RAB33B: variants seen among roughly 807,000 people sequenced by gnomAD.
RAB33B encodes ras-related protein Rab-33B.
A neutral mutation model predicts 15.0 loss-of-function variants in RAB33B; 6 were observed. That is an observed-to-expected ratio of 0.40 (90% CI 0.22 to 0.79). The LOEUF is 0.79. Ranked by LOEUF, RAB33B falls within the 30% of genes least tolerant of loss-of-function variation. The pLI, the probability that RAB33B is intolerant of heterozygous loss-of-function variation, is 0.37. For missense variants in RAB33B, 257 were observed against 296.4 expected (o/e 0.87, Z 0.98); for synonymous variants, 117 against 108.3 (o/e 1.08, Z -0.50).
chr4:139,464,916 G>T (rs1051604447), intron 1 of RAB33B, among the ~76,000 whole-genome samples: 1 of 152,124 alleles, frequency 6.6e-6, no homozygotes, highest in African/African-American at 2.4e-5. Flanking sequence ...TAATGAGATC[G>T]CTGGGTCAAA....
chr4:139,443,490 G>A, the RAB33B span, among the ~76,000 whole-genome samples: 6 of 152,086 alleles, frequency 3.9e-5, no homozygotes, highest in South Asian at 2.1e-4. Flanking sequence ...CTAACTCCTC[G>A]CTCCAGAAGC....
intron 1 of RAB33B, among the ~76,000 whole-genome samples, chr4:139,471,907 G>A (rs777840036): frequency 7.2e-5 from 11 of 152,276 alleles, no homozygotes; most frequent in Middle Eastern, 6.8e-3. Context: ...GTGAGATAGG[G>A]ATCCAGCCTC....
chr4:139,467,961 GTTT>G (rs35010426), intron 1 of RAB33B, among the ~76,000 whole-genome samples: 2 of 134,108 alleles, frequency 1.5e-5, no homozygotes, highest in Non-Finnish European at 1.6e-5. Flanking sequence ...CATTCTTTCT[GTTT>G]TTTTTTTTTT....
the RAB33B span, among the ~76,000 whole-genome samples, chr4:139,446,936 T>G: frequency 2.0e-5 from 3 of 152,198 alleles, no homozygotes; most frequent in Non-Finnish European, 4.4e-5. Flanking sequence ...TTGATGATAT[T>G]GGACCTCTTT....
chr4:139,447,242 T>A, the RAB33B span, among the ~76,000 whole-genome samples: 4 of 152,258 alleles, frequency 2.6e-5, no homozygotes, highest in African/African-American at 9.6e-5. Context: ...AAGTCACAAT[T>A]ACAACATCAA....
chr4:139,454,170 G>A lies in RAB33B; in HGVS notation c.-26G>A, dbSNP rs1305234986. On this transcript the variant is annotated 5_prime_UTR_variant, in exon 1 of 2. Transcript: ENST00000305626. Reference sequence around the variant, plus strand: ...AGCCTTTCTGTGTCTCCTTTCCTCCGCCTCAGTTTGGGGCGGGTCGGGGGA... The same window carrying A: ...AGCCTTTCTGTGTCTCCTTTCCTCCACCTCAGTTTGGGGCGGGTCGGGGGA... 1.1e-5 allele frequency: 17 copies of A among 1,592,078 alleles called. No individual in the cohort carries two copies. The highest frequency in any genetic ancestry group is 1.4e-5 in the Non-Finnish European group (16 of 1,167,978).
At chr4:139,443,955 G>A in the RAB33B span, among the ~76,000 whole-genome samples, 1 of 152,162 alleles carries the variant, frequency 6.6e-6, no homozygotes, top group African/African-American at 2.4e-5. Flanking sequence ...TTTGCTTCTG[G>A]ATCTATAACA....
At chr4:139,470,233 G>A (rs763832514) in intron 1 of RAB33B, among the ~76,000 whole-genome samples, 1 of 152,190 alleles carries the variant, frequency 6.6e-6, no homozygotes, top group Non-Finnish European at 1.5e-5. Flanking sequence ...GTGTTCTGTT[G>A]TACTGTGGCT....
the RAB33B span, among the ~76,000 whole-genome samples, chr4:139,441,854 T>C: frequency 6.6e-6 from 1 of 152,230 alleles, no homozygotes; most frequent in African/African-American, 2.4e-5. Context: ...GACAGATTTC[T>C]GGTGCTTCCT....
At chr4:139,438,592 C>T in the RAB33B span, among the ~76,000 whole-genome samples, 2 of 147,666 alleles carry the variant, frequency 1.4e-5, no homozygotes, top group Admixed American at 6.6e-5. Context: ...CCGGAATCAT[C>T]TGCCTTTTTT....
chr4:139,462,356 A>G (rs1010869033), intron 1 of RAB33B, among the ~76,000 whole-genome samples: 3 of 152,146 alleles, frequency 2.0e-5, no homozygotes, highest in African/African-American at 4.8e-5. Context: ...CCCGGCCATG[A>G]CAGCTCTTTT....
the RAB33B span, among the ~76,000 whole-genome samples, chr4:139,441,118 C>T: frequency 3.3e-5 from 5 of 152,192 alleles, no homozygotes; most frequent in Non-Finnish European, 7.3e-5. Flanking sequence ...ATCTCATCTC[C>T]CAGTAGGCTA....
intron 1 of RAB33B, among the ~76,000 whole-genome samples, chr4:139,471,926 C>T (rs1201549684): frequency 1.3e-5 from 2 of 152,096 alleles, no homozygotes; most frequent in East Asian, 1.9e-4. Flanking sequence ...TCATTTTTTG[C>T]ATGTTGTCCA....
chr4:139,464,976 A>G (rs562894358), intron 1 of RAB33B, among the ~76,000 whole-genome samples: 32 of 152,298 alleles, frequency 2.1e-4, no homozygotes, highest in South Asian at 6.2e-4. Context: ...TGTCTTCCAC[A>G]ATGGTTGAAG....
the RAB33B span, among the ~76,000 whole-genome samples, chr4:139,445,329 T>C: frequency 3.9e-5 from 6 of 152,224 alleles, no homozygotes; most frequent in Non-Finnish European, 8.8e-5. Context: ...GAGAACTTGA[T>C]CTCTTTTTGC....
At chr4:139,460,333 A>G (rs1750149416) in intron 1 of RAB33B, among the ~76,000 whole-genome samples, 1 of 152,182 alleles carries the variant, frequency 6.6e-6, no homozygotes, top group African/African-American at 2.4e-5. Context: ...TATGCACATG[A>G]AGTTGAAGTT....
At chr4:139,465,111 GT>G (rs1213517590) in intron 1 of RAB33B, among the ~76,000 whole-genome samples, 2 of 152,174 alleles carry the variant, frequency 1.3e-5, no homozygotes, top group Admixed American at 6.5e-5. Flanking sequence ...TCTCATTGTG[GT>G]TTTGATTTGC....
intron 1 of RAB33B, among the ~76,000 whole-genome samples, chr4:139,466,603 T>C (rs908411585): frequency 9.2e-5 from 14 of 151,566 alleles, no homozygotes; most frequent in African/African-American, 2.7e-4. Context: ...TTTTGAGACA[T>C]AGTCTTGTTC....
intron 1 of RAB33B, among the ~76,000 whole-genome samples, chr4:139,460,995 ATTAC>A (rs1200817330): frequency 2.0e-5 from 3 of 152,220 alleles, no homozygotes; most frequent in South Asian, 2.1e-4. Context: ...TGAGAAGAGA[ATTAC>A]TTACTTCTCT....
Sources: gnomAD v4.1 joint callset for allele counts (sites outside exome capture counted in the v4.1 genomes callset) on GRCh38, gnomAD v4.1.1 for gene constraint, MANE v1.5 for transcripts, NCBI Gene and HGNC (gene_info 2026-07-23, HGNC 2026-07-21) for gene names.